The following F5 variants were observed in gnomAD, a reference collection of about 807,000 sequenced individuals.
F5 encodes coagulation factor V, also known as activated protein c cofactor.
In F5, 138 loss-of-function variants were observed where a neutral mutation model predicts 216.4. The ratio of observed to expected loss-of-function variants is 0.64; its 90% CI spans 0.56 to 0.73. The LOEUF (loss-of-function observed/expected upper bound fraction) is 0.73, where lower values mean the gene tolerates loss of function less well. Among genes scored for constraint, F5 ranks in the 30% least tolerant of loss-of-function variants. The pLI, the probability that F5 is intolerant of heterozygous loss-of-function variation, is 0.00. For synonymous variants in F5, 916 were observed against 930.7 expected (o/e 0.98, Z 0.29); for missense variants, 2,403 against 2,674.0 (o/e 0.90, Z 2.24).
intron 17 of F5, among the ~76,000 whole-genome samples, chr1:169,526,649 T>C (rs1406879380): frequency 6.6e-6 from 1 of 152,074 alleles, no homozygotes; most frequent in Non-Finnish European, 1.5e-5. Flanking sequence ...ATAGATATGA[T>C]TATCTTCCTC....
chr1:169,552,684 T>C lies in F5; in HGVS notation c.1169A>G (p.His390Arg). Residue 390 changes from histidine to arginine, a missense_variant, in exon 8 of 25, where the codon CAT (histidine) becomes CGT (arginine). His to Arg is a conservative substitution (Grantham distance 29). Around this residue, in one of 4 missense-constraint regions of F5, gnomAD observed 1,425 missense variants for 1,554.8 expected, o/e 0.92. Transcript: ENST00000367797. ...LDNFSNQIGK[H>R]YKKVMYTQYE... ...CTGTGTGTACATAACTTTCTTATAA[T>C]GTTTTCCAATTTGGTTTGAGAAATT... The C allele has an allele frequency of 6.2e-7, 1 of 1,612,832 alleles. No individual in the cohort carries two copies. Among genetic ancestry groups the C allele is most frequent in the Non-Finnish European group, 8.5e-7 (1 of 1,179,484 alleles).
chr1:169,550,111 C>A (rs1451795357), intron 9 of F5, 96 bp from the exon 10 acceptor site: 2 of 951,360 alleles, frequency 2.1e-6, no homozygotes, highest in African/African-American at 3.4e-5. Context: ...ATTAATATTG[C>A]AAAAGGAATT....
chr1:169,552,921 T>C (rs1049364828), intron 7 of F5, among the ~76,000 whole-genome samples, 187 bp from the exon 8 acceptor site: 3 of 152,178 alleles, frequency 2.0e-5, no homozygotes, highest in Admixed American at 1.3e-4. Flanking sequence ...AACTTCTGAT[T>C]TGTCTCCTGC....
intron 22 of F5, 70 bp from the exon 23 acceptor site, chr1:169,518,633 G>A (rs1412428568): frequency 6.0e-6 from 9 of 1,500,078 alleles, no homozygotes; most frequent in Non-Finnish European, 8.3e-6. Context: ...CACTGCAGAG[G>A]AGATAAGAAA....
At chr1:169,539,551 T>C (rs1421528352) in intron 13 of F5, among the ~76,000 whole-genome samples, 1 of 152,238 alleles carries the variant, frequency 6.6e-6, no homozygotes, top group African/African-American at 2.4e-5. Context: ...AATGTGGAGA[T>C]GTCAGGCATC....
intron 7 of F5, among the ~76,000 whole-genome samples, chr1:169,553,855 T>C (rs1414197471): frequency 6.6e-6 from 1 of 152,244 alleles, no homozygotes; most frequent in Non-Finnish European, 1.5e-5. Flanking sequence ...TGGTGGAATG[T>C]AAATTAATTC....
In F5 at chr1:169,518,302, G is replaced by A. The variant is rs951637458; in HGVS notation, c.6345+110C>T. 53 of 1,332,980 alleles carry A rather than the reference G, an allele frequency of 4.0e-5. 1 individual carries two copies. The highest frequency in any genetic ancestry group is 3.6e-5 in the South Asian group (3 of 83,582). The allele number at this position is 1,332,980 out of a possible 1,614,324, so 82.6% of individuals were successfully genotyped here. A position where few individuals can be genotyped will look rare whatever the true frequency, so the allele number is the denominator to read the frequency against. ...CTTGGACCTAGGATTTTAATCTGCAGAAACAGATTAAAATACTCCTGCTTC... is the reference window on the plus strand; with the variant it reads ...CTTGGACCTAGGATTTTAATCTGCAAAAACAGATTAAAATACTCCTGCTTC... On this transcript the variant is annotated intron_variant, in intron 23 of 24. Transcript: ENST00000367797.
intron 23 of F5, 62 bp downstream of exon 23, chr1:169,518,350 A>G (rs1427861464): frequency 4.4e-6 from 7 of 1,581,702 alleles, no homozygotes; most frequent in Non-Finnish European, 6.1e-6. Flanking sequence ...TGTTTGTGGT[A>G]GTGAGGGCCT....
In F5 at chr1:169,572,977, G is replaced by A. The variant is rs9332519; in HGVS notation, c.251-634C>T. 2.5e-3 allele frequency among the ~76,000 whole-genome samples: 374 copies of A among 150,706 alleles called. 2 individuals carry two copies. The highest frequency in any genetic ancestry group is 8.0e-3 in the African/African-American group (331 of 41,124). On this transcript the variant is annotated intron_variant, in intron 2 of 24. Transcript: ENST00000367797. ...CTTTTTTTTTTTGAGATGGAGTCTC[G>A]CTCTGTCTCCTAGGCTGGAGTGCAG...
chr1:169,556,795 G>A lies in F5; in HGVS notation c.803C>T (p.Ser268Phe). Residue 268 changes from serine (S) to phenylalanine (F), a missense_variant, in exon 6 of 25, where the codon TCC becomes TTC. Ser to Phe is a radical substitution (Grantham distance 155). This residue lies in a region of F5 where 1,425 missense variants were observed against 1,554.8 expected (regional missense o/e 0.92). Coordinates refer to ENST00000367797, the MANE Select transcript of F5 (RefSeq NM_000130.5). ...LGMSSGPELF[S>F]IHFNGQVLEQ... is the part of the protein sequence containing the mutation. The stretch of plus-strand genomic sequence containing the variant: ...CAGGACCTGGCCGTTGAAATGAATG[G>A]AGAATAATTCTGGCCCCGAGCTCAT... 1.9e-6 allele frequency: 3 copies of A among 1,614,124 alleles called. No homozygotes were observed. Among genetic ancestry groups the A allele is most frequent in the Non-Finnish European group, 1.7e-6 (2 of 1,180,010 alleles).
At chr1:169,521,629 T>G (rs936519830) in intron 21 of F5, among the ~76,000 whole-genome samples, 25 of 145,194 alleles carry the variant, frequency 1.7e-4, no homozygotes, top group Non-Finnish European at 3.3e-4. Flanking sequence ...TTTTTTTTTT[T>G]TTTTTTTTTT....
In F5 at chr1:169,542,359, G is replaced by T. The variant is rs1659878911; in HGVS notation, c.2731C>A (p.Pro911Thr). The change falls in exon 13 of 25, where the codon CCT becomes ACT. Residue 911 changes from proline to threonine, a missense_variant. Pro to Thr is a conservative substitution (Grantham distance 38). This residue lies in a region of F5 where 1,425 missense variants were observed against 1,554.8 expected (regional missense o/e 0.92). Coordinates refer to ENST00000367797, the MANE Select transcript of F5 (RefSeq NM_000130.5). ...GAAGGAGAACCAGTGTCTTGGCTAG[G>T]AAGGTCCTCCCAGGGCCTCATTCCG... ...PSGMRPWEDL[P>T]SQDTGSPSRM... is the part of the protein sequence containing the mutation. The T allele has an allele frequency of 1.2e-6, 2 of 1,613,684 alleles. No homozygotes were observed. Among genetic ancestry groups the T allele is most frequent in the East Asian group, 4.5e-5 (2 of 44,876 alleles).
At chr1:169,580,447 G>A (rs773391527) in intron 2 of F5, among the ~76,000 whole-genome samples, 8 of 151,424 alleles carry the variant, frequency 5.3e-5, no homozygotes, top group African/African-American at 9.7e-5. Context: ...GAAGTGATGC[G>A]ATGTCAGCTC....
chr1:169,538,343 T>C (rs1019530687), intron 13 of F5, among the ~76,000 whole-genome samples: 4 of 152,112 alleles, frequency 2.6e-5, no homozygotes, highest in African/African-American at 4.8e-5. Context: ...AGGTGGAGCA[T>C]TGAGAAAATG....
rs761106001 is a variant in F5 at position 169,541,627 on chromosome 1, CA to C, written c.3462del (p.Ser1154ArgfsTer17). 3 of 1,614,114 alleles carry C rather than the reference CA, an allele frequency of 1.9e-6. No individual in the cohort carries two copies. Among genetic ancestry groups the C allele is most frequent in the Non-Finnish European group, 2.5e-6 (3 of 1,180,004 alleles). ...PSHRSSSPEL[S>X]EMLEYDRSHK... ...TGACTTCGGTCATACTCAAGCATTTCACTGAGCTCTGGAGAAGAGGATCTGT... is the reference window on the plus strand; with the variant it reads ...TGACTTCGGTCATACTCAAGCATTTCCTGAGCTCTGGAGAAGAGGATCTGT... On this transcript the variant is annotated frameshift_variant, in exon 13 of 25. Transcript: ENST00000367797. LOFTEE classifies it high-confidence loss of function.
chr1:169,569,692 C>A (rs891915617), intron 3 of F5, among the ~76,000 whole-genome samples: 1 of 152,082 alleles, frequency 6.6e-6, no homozygotes, highest in African/African-American at 2.4e-5. Context: ...AATGTCCTTA[C>A]AAGCATTTTT....
rs187520391 is a variant in F5 at position 169,540,522 on chromosome 1, A to G, written c.4568T>C (p.Ile1523Thr). 5.2e-5 allele frequency: 84 copies of G among 1,613,970 alleles called. No individual in the cohort carries two copies. The Admixed American group carries it at 6.2e-4, about 12-fold the overall frequency. The change falls in exon 13 of 25, where the codon ATT becomes ACT. Residue 1523 changes from isoleucine to threonine, a missense_variant. Physicochemically the swap from Ile to Thr is moderately conservative, Grantham distance 89 (BLOSUM62 -1). This residue lies in a region of F5 where 293 missense variants were observed against 270.8 expected (regional missense o/e 1.08). Transcript: ENST00000367797. ...VGLSKDGTDY[I>T]EIIPKEEVQS... ...GACCTCTTCCTTTGGAATGATCTCA[A>G]TGTAATCTGTACCATCTTTACTGAG... is the stretch of plus-strand genomic sequence containing the variant.
intron 3 of F5, among the ~76,000 whole-genome samples, chr1:169,571,696 C>T (rs9332530): frequency 0.018 from 2,712 of 152,088 alleles, 82 homozygotes; most frequent in African/African-American, 0.061. Context: ...TTGTCAGAGG[C>T]GGTCTTACTC....
At position 169,514,248 on chromosome 1, in the gene F5, A is replaced by C; in HGVS notation, c.*65T>G. On this transcript the variant is annotated 3_prime_UTR_variant, in exon 25 of 25. Coordinates refer to ENST00000367797, the MANE Select transcript of F5 (RefSeq NM_000130.5). ...TAACATTTAACACAGCGTAAAATAC[A>C]TTGCCCATTCTAAATGGTTTGAGGT... The C allele has an allele frequency of 6.7e-7, 1 of 1,485,520 alleles. No homozygotes were observed. Among genetic ancestry groups the C allele is most frequent in the Non-Finnish European group, 9.4e-7 (1 of 1,063,762 alleles). 92.0% of individuals were successfully genotyped at this position (1,485,520 alleles called of 1,614,324 possible).
Sources: gnomAD v4.1 joint callset for allele counts (sites outside exome capture counted in the v4.1 genomes callset) on GRCh38, gnomAD v4.1.1 for gene constraint, gnomAD v4.1.1 regional missense constraint, MANE v1.5 for transcripts, NCBI Gene and HGNC (gene_info 2026-07-23, HGNC 2026-07-21) for gene names.